The following COL6A6 variants were observed in gnomAD, a reference collection of about 807,000 sequenced individuals.
COL6A6 encodes the protein collagen alpha-6(VI) chain.
COL6A6 carries 183 observed loss-of-function variants against 208.6 expected under a neutral mutation model. The observed-to-expected ratio is 0.88, with a 90% CI of 0.78 to 0.99. The LOEUF is 0.99. Ranked by LOEUF, COL6A6 falls within the 50% of genes least tolerant of loss-of-function variation. The pLI is 0.00. For synonymous variants in COL6A6, 973 were observed against 1,011.8 expected, an observed-to-expected ratio of 0.96 and a Z score of 0.73; for missense variants, 2,816 against 2,815.2, an observed-to-expected ratio of 1.00 and a Z score of -0.01.
At chr3:130,646,850 C>A (rs573501801) in intron 32 of COL6A6, among the ~76,000 whole-genome samples, 6 of 152,220 alleles carry the variant, frequency 3.9e-5, no homozygotes, top group African/African-American at 1.4e-4. Context: ...AGGGGAGGAG[C>A]ATGATCTGAT....
At chr3:130,600,411 T>C (rs1576305076) in intron 20 of COL6A6, among the ~76,000 whole-genome samples, 2 of 152,194 alleles carry the variant, frequency 1.3e-5, no homozygotes, top group African/African-American at 4.8e-5. Flanking sequence ...AAAACACATG[T>C]ACACGTATGT....
chr3:130,596,446 T>A (rs9875955), intron 18 of COL6A6, among the ~76,000 whole-genome samples: 4 of 152,248 alleles, frequency 2.6e-5, no homozygotes, highest in African/African-American at 4.8e-5. Flanking sequence ...CTTTCTATTT[T>A]AAAAGAAATG....
chr3:130,555,976 A>G (rs924021272), intron 1 of COL6A6, among the ~76,000 whole-genome samples: 3 of 152,122 alleles, frequency 2.0e-5, no homozygotes, highest in Non-Finnish European at 1.5e-5. Context: ...TAGTGTGACC[A>G]TCAACCAAGT....
intron 23 of COL6A6, among the ~76,000 whole-genome samples, chr3:130,617,473 C>T (rs1012196102): frequency 3.3e-5 from 5 of 152,122 alleles, no homozygotes; most frequent in African/African-American, 4.8e-5. Flanking sequence ...CCAAGTTACA[C>T]AGAGATATCA....
At chr3:130,575,187 AAGAC>A (rs1376912141) in intron 8 of COL6A6, among the ~76,000 whole-genome samples, 4 of 152,170 alleles carry the variant, frequency 2.6e-5, no homozygotes, top group Non-Finnish European at 2.9e-5. Flanking sequence ...GGCAGCTCTG[AAGAC>A]AGACAGCCTG....
At chr3:130,570,754 T>A in intron 6 of COL6A6, 64 bp from the exon 7 acceptor site, 1 of 1,246,758 alleles carries the variant, frequency 8.0e-7, no homozygotes, top group Non-Finnish European at 1.1e-6. Flanking sequence ...ATAAAAAGGT[T>A]GAGGCGTCTC....
intron 1 of COL6A6, among the ~76,000 whole-genome samples, chr3:130,548,700 A>G (rs2062576238): frequency 6.6e-6 from 1 of 152,234 alleles, no homozygotes; most frequent in Admixed American, 6.5e-5. Context: ...AACTCACAAA[A>G]GTGGGTTCTC....
intron 1 of COL6A6, among the ~76,000 whole-genome samples, chr3:130,523,800 A>G (rs1187910300): frequency 6.6e-6 from 1 of 152,196 alleles, no homozygotes; most frequent in Admixed American, 6.5e-5. Flanking sequence ...AAACCTTTCA[A>G]GAGGTGTGTT....
chr3:130,577,869 A>G (rs530647715), intron 8 of COL6A6, among the ~76,000 whole-genome samples: 42 of 152,068 alleles, frequency 2.8e-4, no homozygotes, highest in African/African-American at 9.9e-4. Flanking sequence ...GATGTCTTGA[A>G]TGAAAATTTG....
chr3:130,543,589 A>G (rs867568632), intron 1 of COL6A6, among the ~76,000 whole-genome samples: 2 of 152,204 alleles, frequency 1.3e-5, no homozygotes, highest in South Asian at 2.1e-4. Context: ...CTTTCAAATA[A>G]CACTTATACT....
In COL6A6 at chr3:130,661,993, C is replaced by T. The variant is rs1381587148; in HGVS notation, c.6187C>T (p.His2063Tyr). Residue 2063 changes from histidine to tyrosine, a missense_variant, in exon 35 of 37, where the codon CAT becomes TAT. Transcript: ENST00000358511. ...ACTAAATGGAGATGCTTTTATTGGT[C>T]ATGCCTTACAGTGGACTCTGGACAA... is the stretch of plus-strand genomic sequence containing the variant. The part of the protein sequence containing the change: ...KQLNGDAFIG[H>Y]ALQWTLDNVF... 4.3e-6 allele frequency: 7 copies of T among 1,613,988 alleles called. No individual in the cohort carries two copies. Among genetic ancestry groups the T allele is most frequent in the Non-Finnish European group, 5.1e-6 (6 of 1,179,892 alleles).
intron 8 of COL6A6, 87 bp downstream of exon 8, chr3:130,574,612 A>G: frequency 9.4e-7 from 1 of 1,068,710 alleles, no homozygotes; most frequent in Non-Finnish European, 1.4e-6. Flanking sequence ...CCCTGGGGCT[A>G]GTGGGAGAAT....
intron 1 of COL6A6, among the ~76,000 whole-genome samples, chr3:130,521,120 ACTC>A (rs1456967006): frequency 6.6e-6 from 1 of 152,140 alleles, no homozygotes; most frequent in East Asian, 1.9e-4. Context: ...CATTGATTTG[ACTC>A]TAAAATATTT....
rs11314176 is a variant in COL6A6, at chr3:130,525,996, ATT to A, written c.-32+8607_-32+8608del. Among the ~76,000 whole-genome samples the A allele has an allele frequency of 3.0e-4, 46 of 151,792 alleles. 1 individual carries two copies. The South Asian group carries it at 6.3e-3, about 21-fold the overall frequency. On this transcript the variant is annotated intron_variant, in intron 1 of 36. Coordinates refer to ENST00000358511, the MANE Select transcript of COL6A6 (RefSeq NM_001102608.3). ...ATAATTCAACAAATAGTTATTAAGC[ATT>A]TTTTTTTAATGTACAAACCCTATTC...
At chr3:130,665,203 C>A in intron 36 of COL6A6, 107 bp downstream of exon 36, 2 of 659,384 alleles carry the variant, frequency 3.0e-6, no homozygotes, top group Admixed American at 3.3e-5. Flanking sequence ...CTTATTTGGA[C>A]AAAAATCTAT....
intron 1 of COL6A6, among the ~76,000 whole-genome samples, chr3:130,559,957 G>A (rs553688829): frequency 6.6e-6 from 1 of 152,296 alleles, no homozygotes; most frequent in South Asian, 2.1e-4. Flanking sequence ...TATGAAATAG[G>A]TCTTGGGGTG....
At chr3:130,566,426 A>G (rs2063024733) in intron 4 of COL6A6, among the ~76,000 whole-genome samples, 1 of 152,194 alleles carries the variant, frequency 6.6e-6, no homozygotes, top group South Asian at 2.1e-4. Flanking sequence ...AGTGTCTTGT[A>G]AAAAGCAGCT....
chr3:130,622,232 C>T (rs1356742536), intron 24 of COL6A6, among the ~76,000 whole-genome samples: 3 of 130,526 alleles, frequency 2.3e-5, no homozygotes, highest in African/African-American at 5.8e-5. Flanking sequence ...TCCTTTCCTC[C>T]ATTCACACAA....
chr3:130,640,790 A>G (rs562169537), intron 28 of COL6A6, among the ~76,000 whole-genome samples: 36 of 152,188 alleles, frequency 2.4e-4, no homozygotes, highest in Admixed American at 5.2e-4. Flanking sequence ...TTTCATTACA[A>G]TATTTCCAAA....
Sources: gnomAD v4.1 joint callset for allele counts (sites outside exome capture counted in the v4.1 genomes callset) on GRCh38, gnomAD v4.1.1 for gene constraint, MANE v1.5 for transcripts, NCBI Gene and HGNC (gene_info 2026-07-23, HGNC 2026-07-21) for gene names.